The following CSMD1 variants were observed in gnomAD, a reference collection of about 807,000 sequenced individuals.
The protein encoded by CSMD1 is CUB and sushi domain-containing protein 1.
Under a neutral mutation model 417.5 loss-of-function variants are expected in CSMD1, and 213 were observed. The ratio of observed to expected loss-of-function variants is 0.51; its 90% confidence interval spans 0.46 to 0.57. The LOEUF (loss-of-function observed/expected upper bound fraction) is 0.57. Among genes scored for constraint, CSMD1 ranks in the 20% least tolerant of loss-of-function variants. The pLI is 0.00. For synonymous variants in CSMD1, 2,862 were observed against 1,736.8 expected, an observed-to-expected ratio of 1.65 and a Z score of -16.11; for missense variants, 6,923 against 4,529.7, an observed-to-expected ratio of 1.53 and a Z score of -15.17.
chr8:3,916,544 G>C (rs1584959258), intron 5 of CSMD1, among the ~76,000 whole-genome samples: 2 of 152,136 alleles, frequency 1.3e-5, no homozygotes, highest in Admixed American at 6.5e-5. Flanking sequence ...GAAACATTTA[G>C]TATCCGATTA....
chr8:4,426,503 A>G (rs1797564489), intron 2 of CSMD1, among the ~76,000 whole-genome samples: 1 of 147,780 alleles, frequency 6.8e-6, no homozygotes, highest in African/African-American at 2.5e-5. Flanking sequence ...TAAAGTTTTT[A>G]TATATTTTAT....
rs144890845 is a variant in CSMD1, at chr8:3,690,013, G to C, written c.1009+18401C>G. On this transcript the variant is annotated intron_variant, in intron 7 of 69. Coordinates refer to ENST00000635120, the MANE Select transcript of CSMD1 (RefSeq NM_033225.6). ...TATTTTAACAAGGTAAGGGTGGTCA[G>C]TAAATGGAGTTCTTGCTTTAGCAAA... Among the ~76,000 whole-genome samples the C allele has an allele frequency of 2.9e-3, 435 of 152,362 alleles. 1 individual carries two copies. The highest frequency in any genetic ancestry group is 0.01 in the African/African-American group (419 of 41,582).
chr8:4,853,262 A>C (rs1801593044), intron 1 of CSMD1, among the ~76,000 whole-genome samples: 1 of 152,168 alleles, frequency 6.6e-6, no homozygotes, highest in South Asian at 2.1e-4. Context: ...TTCCCATGAC[A>C]GGCCCAGAGG....
At chr8:4,607,607 T>A (rs543516656) in intron 2 of CSMD1, among the ~76,000 whole-genome samples, 1 of 152,218 alleles carries the variant, frequency 6.6e-6, no homozygotes, top group Non-Finnish European at 1.5e-5. Flanking sequence ...TCCGCCAACA[T>A]CATGAGAGTT....
At chr8:3,458,352 A>C (rs898064495) in intron 12 of CSMD1, among the ~76,000 whole-genome samples, 1 of 152,194 alleles carries the variant, frequency 6.6e-6, no homozygotes, top group Non-Finnish European at 1.5e-5. Flanking sequence ...ATTAAGAGGA[A>C]TCTGTGCTTA....
At chr8:3,625,334 T>A (rs1270998077) in intron 7 of CSMD1, among the ~76,000 whole-genome samples, 1 of 152,216 alleles carries the variant, frequency 6.6e-6, no homozygotes, top group Non-Finnish European at 1.5e-5. Context: ...GATCTCCAAT[T>A]GGACGTGAAG....
At chr8:3,503,967 G>T (rs931010340) in intron 10 of CSMD1, among the ~76,000 whole-genome samples, 3 of 152,024 alleles carry the variant, frequency 2.0e-5, no homozygotes, top group African/African-American at 4.8e-5. Flanking sequence ...GACAAGAAGT[G>T]GTTGATTTTG....
At chr8:3,117,318 A>G (rs752668793) in intron 42 of CSMD1, among the ~76,000 whole-genome samples, 1 of 152,106 alleles carries the variant, frequency 6.6e-6, no homozygotes, top group Non-Finnish European at 1.5e-5. Context: ...TGATCCGCCC[A>G]CCTCAGCCTC....
At chr8:3,543,186 C>G (rs2116720500) in intron 10 of CSMD1, among the ~76,000 whole-genome samples, 1 of 152,288 alleles carries the variant, frequency 6.6e-6, no homozygotes, top group Middle Eastern at 3.4e-3. Flanking sequence ...ATGCTTGATG[C>G]TTTTGAGAAA....
At chr8:3,088,674 C>A (rs1870616) in intron 48 of CSMD1, among the ~76,000 whole-genome samples, 7 of 151,420 alleles carry the variant, frequency 4.6e-5, no homozygotes, top group Admixed American at 4.6e-4. Flanking sequence ...AAATCCACTA[C>A]CATAAGAATC....
At chr8:3,098,256 ATTGAG>A (rs1815473708) in intron 46 of CSMD1, among the ~76,000 whole-genome samples, 1 of 152,208 alleles carries the variant, frequency 6.6e-6, no homozygotes, top group Admixed American at 6.5e-5. Context: ...AAATTTATTT[ATTGAG>A]TTATCGCCTT....
intron 7 of CSMD1, among the ~76,000 whole-genome samples, chr8:3,662,031 G>A (rs189658386): frequency 6.6e-6 from 1 of 152,120 alleles, no homozygotes; most frequent in Non-Finnish European, 1.5e-5. Context: ...ATTTTTACTC[G>A]AAGTCGTAGA....
intron 3 of CSMD1, among the ~76,000 whole-genome samples, chr8:4,245,477 A>G (rs73188023): frequency 2.0e-3 from 303 of 152,220 alleles, no homozygotes; most frequent in Non-Finnish European, 3.4e-3. Flanking sequence ...CTCAGCAAAC[A>G]AAAACTCTTC....
chr8:3,870,236 A>G (rs896151142), intron 5 of CSMD1, among the ~76,000 whole-genome samples: 6 of 152,250 alleles, frequency 3.9e-5, no homozygotes, highest in African/African-American at 1.4e-4. Context: ...CAAAATTAAT[A>G]GTACACTGAA....
intron 1 of CSMD1, among the ~76,000 whole-genome samples, chr8:4,693,624 AT>A (rs1042891253): frequency 6.6e-6 from 1 of 152,168 alleles, no homozygotes; most frequent in African/African-American, 2.4e-5. Flanking sequence ...TTCTCCTTCC[AT>A]TTTTTCAAAT....
intron 5 of CSMD1, among the ~76,000 whole-genome samples, chr8:3,782,513 G>T (rs944849851): frequency 3.9e-5 from 6 of 152,186 alleles, no homozygotes; most frequent in Non-Finnish European, 8.8e-5. Flanking sequence ...GGAGGCTGGG[G>T]GAGGGATAGC....
chr8:4,871,092 T>C lies in CSMD1; in HGVS notation c.85+123240A>G, dbSNP rs79639368. ...GTTGCAACAGCTCTGGCCTGGGCCATGGGAGGAGGCAGTAGCTGGGGCTGG... is the reference window on the plus strand; with the variant it reads ...GTTGCAACAGCTCTGGCCTGGGCCACGGGAGGAGGCAGTAGCTGGGGCTGG... On this transcript the variant is annotated intron_variant, in intron 1 of 69. Transcript: ENST00000635120. Among the ~76,000 whole-genome samples the C allele has an allele frequency of 1.2e-4, 18 of 152,128 alleles. No homozygotes were observed. In the East Asian group the frequency reaches 3.5e-3, roughly 29 times the overall value.
intron 1 of CSMD1, among the ~76,000 whole-genome samples, chr8:4,757,532 C>G (rs748230037): frequency 3.3e-5 from 5 of 152,140 alleles, no homozygotes; most frequent in Non-Finnish European, 5.9e-5. Context: ...ATTTGCATCC[C>G]TACCATGTAG....
intron 10 of CSMD1, among the ~76,000 whole-genome samples, chr8:3,547,931 T>C (rs1798744764): frequency 1.3e-5 from 2 of 152,206 alleles, no homozygotes; most frequent in African/African-American, 4.8e-5. Context: ...CATATCCTGA[T>C]GTCATAAAGT....
Sources: gnomAD v4.1 joint callset for allele counts (sites outside exome capture counted in the v4.1 genomes callset) on GRCh38, gnomAD v4.1.1 for gene constraint, MANE v1.5 for transcripts, NCBI Gene and HGNC (gene_info 2026-07-23, HGNC 2026-07-21) for gene names.